Variants in COQ8A observed in about 807,000 individuals in gnomAD.
COQ8A encodes coenzyme Q8A.
A neutral mutation model predicts 65.0 loss-of-function variants in COQ8A; 51 were observed. The ratio of observed to expected loss-of-function variants is 0.78; its 90% CI spans 0.63 to 0.99. COQ8A has a LOEUF of 0.99. COQ8A is among the 50% of genes least tolerant of loss of function. COQ8A has a pLI of 0.00. For synonymous variants in COQ8A, 371 were observed against 353.2 expected (o/e 1.05, Z -0.57); for missense variants, 940 against 875.0 (o/e 1.07, Z -0.94).
intron 14 of COQ8A, 87 bp downstream of exon 14, chr1:226,985,427 C>G: frequency 6.6e-7 from 1 of 1,524,478 alleles, no homozygotes. Flanking sequence ...CAGGGGGCAG[C>G]TGCCCTCAAG....
intron 1 of COQ8A, among the ~76,000 whole-genome samples, chr1:226,941,398 TTG>T (rs1656680850): frequency 6.6e-6 from 1 of 152,288 alleles, no homozygotes; most frequent in East Asian, 1.9e-4. Context: ...AGGAGGGCTC[TTG>T]GGAGACTCTT....
At chr1:226,947,334 G>A (rs2148005947) in intron 1 of COQ8A, among the ~76,000 whole-genome samples, 1 of 152,274 alleles carries the variant, frequency 6.6e-6, no homozygotes, top group Non-Finnish European at 1.5e-5. Flanking sequence ...CAGCCTTGAT[G>A]AGCTTTAATT....
intron 4 of COQ8A, among the ~76,000 whole-genome samples, chr1:226,971,559 A>AAAAAG (rs1553277899): frequency 1.1e-4 from 17 of 151,648 alleles, no homozygotes; most frequent in African/African-American, 3.9e-4. Flanking sequence ...AGAAAAAGAA[A>AAAAAG]AAAAAGAAAA....
chr1:226,950,803 C>G (rs1657328775), intron 1 of COQ8A, among the ~76,000 whole-genome samples: 1 of 151,908 alleles, frequency 6.6e-6, no homozygotes, highest in Non-Finnish European at 1.5e-5. Context: ...TCAGTGCCTG[C>G]TTTCAACAAG....
intron 1 of COQ8A, chr1:226,958,252 A>T (rs1029253080): frequency 6.6e-6 from 1 of 152,218 alleles, no homozygotes; most frequent in East Asian, 1.9e-4. Context: ...AAAGACTATC[A>T]ACCCCACAAA....
At chr1:226,956,276 C>T (rs1307063286) in intron 1 of COQ8A, among the ~76,000 whole-genome samples, 1 of 90,280 alleles carries the variant, frequency 1.1e-5, no homozygotes, top group Non-Finnish European at 2.2e-5. Context: ...TCACACTCTC[C>T]CTGGCTTCCA....
Position 226,940,820 on chromosome 1 carries a change from T to A in COQ8A, c.-10+421T>A, listed in dbSNP as rs550421603. 1.9e-3 allele frequency among the ~76,000 whole-genome samples: 286 copies of A among 152,318 alleles called. 1 individual carries two copies. Among genetic ancestry groups the A allele is most frequent in the Non-Finnish European group, 3.5e-3 (236 of 68,024 alleles). On this transcript the variant is annotated intron_variant, in intron 1 of 14. Transcript: ENST00000366777. ...CTCCCAGACCCCCTTGCACTGTGTG[T>A]CTGGGGCTCTAGGCTCGTTGCCGCT...
rs146082084 is a variant in COQ8A at position 226,958,469 on chromosome 1, C to T, written c.-9-2908C>T. 3.9e-5 allele frequency among the ~76,000 whole-genome samples: 6 copies of T among 152,282 alleles called. No homozygotes were observed. The East Asian group carries it at 1.2e-3, about 29-fold the overall frequency. On this transcript the variant is annotated intron_variant, in intron 1 of 14. Transcript: ENST00000366777. ...GCCTCCGATCCTGGCGTGTCAGCATCAGTTGGCCCCTAGCTGTCTCCCTGG... is the reference window on the plus strand; with the variant it reads ...GCCTCCGATCCTGGCGTGTCAGCATTAGTTGGCCCCTAGCTGTCTCCCTGG...
chr1:226,984,385 C>G, intron 11 of COQ8A, 150 bp downstream of exon 11: 1 of 1,343,430 alleles, frequency 7.4e-7, no homozygotes, highest in Non-Finnish European at 1.0e-6. Context: ...CTTAGGGGGA[C>G]ACAGGGGAGC....
chr1:226,965,813 G>A lies in COQ8A; in HGVS notation c.655+76G>A, dbSNP rs530459148. Reference sequence around the variant, plus strand: ...CACGCTGCGGCCTGCATGGAGGTGGGGACCCAGCAATATCCCGGGGAGGGC... The same window carrying A: ...CACGCTGCGGCCTGCATGGAGGTGGAGACCCAGCAATATCCCGGGGAGGGC... On this transcript the variant is annotated intron_variant, in intron 4 of 14. Transcript: ENST00000366777. 115 of 1,513,190 alleles carry A rather than the reference G, an allele frequency of 7.6e-5. No individual in the cohort carries two copies. The African/African-American group carries it at 1.4e-3, about 19-fold the overall frequency. The allele number at this position is 1,513,190 out of a possible 1,614,324, so 93.7% of individuals were successfully genotyped here.
chr1:226,983,930 G>A, intron 10 of COQ8A, 76 bp downstream of exon 10: 1 of 1,559,178 alleles, frequency 6.4e-7, no homozygotes, highest in South Asian at 1.1e-5. Context: ...GCTGGTGAAG[G>A]CCCCTCCAGC....
rs1659855200 is a variant in COQ8A at position 226,983,628 on chromosome 1, CAGA to C, written c.1160_1162del (p.Glu387del). The C allele has an allele frequency of 2.5e-6, 4 of 1,613,986 alleles. No individual in the cohort carries two copies. The African/African-American group carries it at 4.0e-5, about 16-fold the overall frequency. The stretch of plus-strand genomic sequence containing the variant: ...GTGTTGAACATGAGCAACATGCTTC[CAGA>C]AGGTCTGAGGCTAGGTGGTTGGGTC... On this transcript the variant is annotated inframe_deletion and splice_region_variant, in exon 9 of 15. Coordinates refer to ENST00000366777, the MANE Select transcript of COQ8A (RefSeq NM_020247.5).
At position 226,961,365 on chromosome 1, in the gene COQ8A, C is replaced by T; in HGVS notation, c.-9-12C>T. On this transcript the variant is annotated splice_polypyrimidine_tract_variant and intron_variant, in intron 1 of 14. Transcript: ENST00000366777. ...CCTGGGGCCTCCCCTGACTTGGCCT[C>T]CTCTCTTCCAGCCCTGAAGGATGGC... is the stretch of plus-strand genomic sequence containing the variant. 2.5e-6 allele frequency: 4 copies of T among 1,613,362 alleles called. No homozygotes were observed. Among genetic ancestry groups the T allele is most frequent in the Non-Finnish European group, 2.5e-6 (3 of 1,180,010 alleles).
intron 4 of COQ8A, among the ~76,000 whole-genome samples, chr1:226,974,562 CTGGT>C (rs1659081461): frequency 1.3e-5 from 2 of 152,208 alleles, no homozygotes; most frequent in Non-Finnish European, 2.9e-5. Context: ...CCAGTGCTGG[CTGGT>C]TCTAATGGAG....
rs1657078028 is a variant in COQ8A, at chr1:226,946,902, A to G, written c.-10+6503A>G. 6.6e-6 allele frequency among the ~76,000 whole-genome samples: 1 copy of G among 152,010 alleles called. No individual in the cohort carries two copies. The highest frequency in any genetic ancestry group is 2.4e-5 in the African/African-American group (1 of 41,340). On this transcript the variant is annotated intron_variant, in intron 1 of 14. Coordinates refer to ENST00000366777, the MANE Select transcript of COQ8A (RefSeq NM_020247.5). The surrounding 1 kb of genome is among the most constrained non-coding windows in gnomAD (Gnocchi z 5.3). Reference sequence around the variant, plus strand: ...TCTTGCACACCCAGAGGCAGTCTTCAGTGTAGGGCGTCTGCCTCTTTCCAC... The same window carrying G: ...TCTTGCACACCCAGAGGCAGTCTTCGGTGTAGGGCGTCTGCCTCTTTCCAC...
chr1:226,969,068 T>C (rs1658734255), intron 4 of COQ8A, among the ~76,000 whole-genome samples: 1 of 152,200 alleles, frequency 6.6e-6, no homozygotes, highest in South Asian at 2.1e-4. Flanking sequence ...TTTTGGTAAA[T>C]GTTCCATGTT....
chr1:226,978,018 C>T (rs555090955), intron 5 of COQ8A, among the ~76,000 whole-genome samples: 6 of 146,698 alleles, frequency 4.1e-5, no homozygotes, highest in East Asian at 4.1e-4. Context: ...GCACACCCAC[C>T]GAACACCCAC....
intron 8 of COQ8A, 42 bp from the exon 9 acceptor site, chr1:226,983,510 T>A: frequency 6.3e-7 from 1 of 1,584,030 alleles, no homozygotes; most frequent in South Asian, 1.1e-5. Context: ...GGCCCACCCG[T>A]CTCCCTGGGC....
At chr1:226,969,442 G>T (rs560555168) in intron 4 of COQ8A, among the ~76,000 whole-genome samples, 3 of 152,068 alleles carry the variant, frequency 2.0e-5, no homozygotes, top group Non-Finnish European at 2.9e-5. Flanking sequence ...GAGACTACAC[G>T]TGCGTGATAA....
Sources: gnomAD v4.1 joint callset for allele counts (sites outside exome capture counted in the v4.1 genomes callset) on GRCh38, gnomAD v4.1.1 for gene constraint, Gnocchi (gnomAD v3.1) non-coding constraint, MANE v1.5 for transcripts, NCBI Gene and HGNC (gene_info 2026-07-23, HGNC 2026-07-21) for gene names.